Variants in DNAH17 observed in about 807,000 individuals in gnomAD.
DNAH17 encodes dynein axonemal heavy chain 17.
In DNAH17, 376 loss-of-function variants were observed where a neutral mutation model predicts 485.6. The ratio of observed to expected loss-of-function variants is 0.77; its 90% CI spans 0.71 to 0.84. The LOEUF (loss-of-function observed/expected upper bound fraction) is 0.84. Among genes scored for constraint, DNAH17 ranks in the 40% least tolerant of loss-of-function variants. The pLI is 0.00. For missense variants in DNAH17, 6,370 were observed against 5,839.3 expected, an observed-to-expected ratio of 1.09 and a Z score of -2.96; for synonymous variants, 3,031 against 2,405.9, an observed-to-expected ratio of 1.26 and a Z score of -7.60.
intron 14 of DNAH17, among the ~76,000 whole-genome samples, chr17:78,554,654 C>A (rs1409668323): frequency 2.6e-5 from 4 of 152,100 alleles, no homozygotes; most frequent in Admixed American, 6.6e-5. Context: ...TTCATGACTT[C>A]TCTAGGACCC....
At position 78,501,277 on chromosome 17, in the gene DNAH17, T is replaced by C. The variant is rs759184915; in HGVS notation, c.5390A>G (p.His1797Arg). The part of the protein sequence containing the change: ...LRHRWDEEKR[H>R]CFANICDAQI... ...GGCATCGCAGATGTTGGCAAAGCAG[T>C]GTCGCTTCTCTTCGTCCCAGCGATG... is the stretch of plus-strand genomic sequence containing the variant. Residue 1797 changes from histidine to arginine, a missense_variant, in exon 35 of 81, where the codon CAC becomes CGC. By Grantham distance (29) the His-to-Arg change is conservative. Transcript: ENST00000389840. 4.4e-6 allele frequency: 7 copies of C among 1,608,774 alleles called. No homozygotes were observed. In the African/African-American group the frequency reaches 8.0e-5, roughly 18 times the overall value.
Position 78,491,558 on chromosome 17 carries a change from G to C in DNAH17, c.6554C>G (p.Thr2185Ser). 1 of 1,613,960 alleles carries C rather than the reference G, an allele frequency of 6.2e-7. No homozygotes were observed. Among genetic ancestry groups the C allele is most frequent in the Non-Finnish European group, 8.5e-7 (1 of 1,179,920 alleles). ...GATGTTGGCCAGGTCTCGCATGATG[G>C]TGGAGAACAGGCCTGGGGGAGGCGC... ...TREWKDGLFSTIMRDLANITH... is the reference protein window; with the variant it reads ...TREWKDGLFSSIMRDLANITH... The change falls in exon 43 of 81, where the codon ACC (threonine) becomes AGC (serine). Residue 2185 changes from threonine (T) to serine (S), a missense_variant. Thr to Ser is a moderately conservative substitution (Grantham distance 58, BLOSUM62 1). Transcript: ENST00000389840.
At chr17:78,513,128 A>G (rs981124911) in intron 26 of DNAH17, among the ~76,000 whole-genome samples, 2 of 152,046 alleles carry the variant, frequency 1.3e-5, no homozygotes, top group Admixed American at 1.3e-4. Flanking sequence ...GGCATTCCAA[A>G]GTAAACCGGA....
rs1598685903 is a variant in DNAH17, at chr17:78,542,334, G to T, written c.2532+1523C>A. Among the ~76,000 whole-genome samples, 4 of 152,084 alleles carry T rather than the reference G, an allele frequency of 2.6e-5. 1 individual carries two copies. The highest frequency in any genetic ancestry group is 2.6e-4 in the Admixed American group (4 of 15,264). ...GGCTAATTTTTGTATTTTTAGTAGA[G>T]ACAGGGTTTCACCATGTTGGCCAGG... On this transcript the variant is annotated intron_variant, in intron 17 of 80. Coordinates refer to ENST00000389840, the MANE Select transcript of DNAH17 (RefSeq NM_173628.4).
chr17:78,532,339 G>A (rs1367930419), intron 20 of DNAH17, 143 bp downstream of exon 20: 12 of 1,175,510 alleles, frequency 1.0e-5, no homozygotes, highest in African/African-American at 6.2e-5. Flanking sequence ...CCTTTCTAAT[G>A]GTGGTCACCT....
At position 78,506,140 on chromosome 17, in the gene DNAH17, ATTT is replaced by A. The variant is rs66859821; in HGVS notation, c.4803+577_4803+579del. 3.9e-5 allele frequency among the ~76,000 whole-genome samples: 5 copies of A among 128,280 alleles called. 1 individual carries two copies. Among genetic ancestry groups the A allele is most frequent in the Non-Finnish European group, 3.2e-5 (2 of 62,584 alleles). The allele number at this position is 128,280 out of a possible 152,430, so 84.2% of individuals were successfully genotyped here. A position where few individuals can be genotyped will look rare whatever the true frequency, so the allele number is the denominator to read the frequency against. On this transcript the variant is annotated intron_variant, in intron 30 of 80. Transcript: ENST00000389840. ...CAAGCGCTTTCCCTTCACCTAGTTA[ATTT>A]TTTTTTTTTTTTTTTGAGACAGAGT...
At chr17:78,514,653 C>CCA (rs1215073448) in intron 26 of DNAH17, 121 bp downstream of exon 26, 1 of 1,351,370 alleles carries the variant, frequency 7.4e-7, no homozygotes, top group Non-Finnish European at 9.9e-7. Context: ...CCAGCCCTGC[C>CCA]CACATTGGCT....
At position 78,569,594 on chromosome 17, in the gene DNAH17, C is replaced by T. The variant is rs892117698; in HGVS notation, c.1045-67G>A. 5.7e-5 allele frequency: 87 copies of T among 1,525,238 alleles called. 1 individual carries two copies. The East Asian group carries it at 1.2e-3, about 21-fold the overall frequency. 94.5% of individuals were successfully genotyped at this position (1,525,238 alleles called of 1,614,324 possible). A position where few individuals can be genotyped will look rare whatever the true frequency, so the allele number is the denominator to read the frequency against. ...CATTTGGGGTGACGTCCAGGCACGC[C>T]GCCTGCAGGACCTGTGATCTGTTCT... On this transcript the variant is annotated intron_variant, in intron 7 of 80. Coordinates refer to ENST00000389840, the MANE Select transcript of DNAH17 (RefSeq NM_173628.4).
At chr17:78,425,226 T>G in intron 80 of DNAH17, 120 bp downstream of exon 80, 3 of 996,810 alleles carry the variant, frequency 3.0e-6, no homozygotes, top group Non-Finnish European at 4.5e-6. Context: ...AGAGCACCTC[T>G]CTCCTGCCTG....
rs1023312895 is a variant in DNAH17 at position 78,485,482 on chromosome 17, G to A, written c.7483+68C>T. On this transcript the variant is annotated intron_variant, in intron 47 of 80. Coordinates refer to ENST00000389840, the MANE Select transcript of DNAH17 (RefSeq NM_173628.4). Reference sequence around the variant, plus strand: ...TGAGTGCCTGGGCCTGCAGTGAGAGGGGACAGGAGGGAACGGGGACTGGCG... The same window carrying A: ...TGAGTGCCTGGGCCTGCAGTGAGAGAGGACAGGAGGGAACGGGGACTGGCG... The A allele has an allele frequency of 2.8e-6, 4 of 1,452,006 alleles. No homozygotes were observed. In the African/African-American group the frequency reaches 5.6e-5, roughly 20 times the overall value. 89.9% of individuals were successfully genotyped at this position (1,452,006 alleles called of 1,614,324 possible).
chr17:78,426,150 A>G (rs750253526), intron 79 of DNAH17, among the ~76,000 whole-genome samples: 3 of 152,222 alleles, frequency 2.0e-5, no homozygotes, highest in East Asian at 1.9e-4. Flanking sequence ...TAGGAGCCCA[A>G]AGAGGCTCTT....
At position 78,558,268 on chromosome 17, in the gene DNAH17, G is replaced by A. The variant is rs778231496; in HGVS notation, c.2032-14C>T. 9.9e-6 allele frequency: 16 copies of A among 1,611,996 alleles called. No homozygotes were observed. Among genetic ancestry groups the A allele is most frequent in the African/African-American group, 2.7e-5 (2 of 74,906 alleles). On this transcript the variant is annotated splice_polypyrimidine_tract_variant and intron_variant, in intron 13 of 80. Coordinates refer to ENST00000389840, the MANE Select transcript of DNAH17 (RefSeq NM_173628.4). ...AACTGCCACCAACTAAATGACAAAC[G>A]AAGATCAAAGAACATGTCAGCAGGT...
chr17:78,540,182 T>C (rs764091477), intron 17 of DNAH17, among the ~76,000 whole-genome samples: 1 of 148,232 alleles, frequency 6.7e-6, no homozygotes. Context: ...ATGCCTACCA[T>C]GGCTCAGAGG....
intron 12 of DNAH17, among the ~76,000 whole-genome samples, chr17:78,561,246 C>T (rs1040757481): frequency 6.6e-6 from 1 of 152,024 alleles, no homozygotes; most frequent in African/African-American, 2.4e-5. Context: ...CAACCTGGGG[C>T]CAACTAGATG....
At position 78,560,917 on chromosome 17, in the gene DNAH17, C is replaced by T. The variant is rs188689442; in HGVS notation, c.1854G>A (p.Glu618=). The T allele has an allele frequency of 3.9e-4, 607 of 1,550,170 alleles. 5 individuals carry two copies. In the Admixed American group the frequency reaches 0.012, roughly 30 times the overall value. Residue 618 remains glutamate, a synonymous_variant, in exon 13 of 81, where the codon GAG becomes GAA. Transcript: ENST00000389840. The stretch of plus-strand genomic sequence containing the variant: ...CATACTTCTGATAGGTCAGCTTGGC[C>T]TCTGCTCCAGACATGACCCTGGAAT... ...HVEHPVMSGA[E]AKLTYQKYDE...
Position 78,494,063 on chromosome 17 carries a change from G to T in DNAH17, c.6381C>A (p.Val2127=). The change falls in exon 41 of 81, where the codon GTC becomes GTA. Residue 2127 remains valine, a synonymous_variant. Coordinates refer to ENST00000389840, the MANE Select transcript of DNAH17 (RefSeq NM_173628.4). The stretch of plus-strand genomic sequence containing the variant: ...GAGATTTGCCGCTGCCCGCATTCCC[G>T]ACGATGAACACGGAGTGGCGGACCT... ...LLQVRHSVFI[V]GNAGSGKSQV... is the part of the protein sequence containing the mutation. 1 of 1,612,900 alleles carries T rather than the reference G, an allele frequency of 6.2e-7. No homozygotes were observed.
In DNAH17 at chr17:78,480,792, G is replaced by C. The variant is rs1216678312; in HGVS notation, c.7650-6C>G. 6 of 1,607,578 alleles carry C rather than the reference G, an allele frequency of 3.7e-6. No homozygotes were observed. The highest frequency in any genetic ancestry group is 2.7e-5 in the African/African-American group (2 of 74,878). ...TCAGCTTATGTCTGTCATACCTGAG[G>C]GGGGAAACCAGCATTCATGTTGTGC... On this transcript the variant is annotated splice_polypyrimidine_tract_variant and splice_region_variant and intron_variant, in intron 48 of 80. Coordinates refer to ENST00000389840, the MANE Select transcript of DNAH17 (RefSeq NM_173628.4).
chr17:78,459,506 T>C (rs746467073), intron 60 of DNAH17, among the ~76,000 whole-genome samples: 26 of 152,188 alleles, frequency 1.7e-4, no homozygotes, highest in Non-Finnish European at 2.6e-4. Flanking sequence ...GGGACGGTAT[T>C]CGTGTGTGCA....
At chr17:78,459,617 G>A (rs759231483) in intron 60 of DNAH17, among the ~76,000 whole-genome samples, 167 bp downstream of exon 60, 12 of 152,234 alleles carry the variant, frequency 7.9e-5, no homozygotes, top group Non-Finnish European at 1.5e-4. Flanking sequence ...GGTTCCCGCT[G>A]CTGAGCTTGT....
Sources: allele counts gnomAD v4.1 joint callset (sites outside exome capture counted in the v4.1 genomes callset), GRCh38; gene constraint gnomAD v4.1.1; transcripts MANE v1.5; gene names NCBI Gene and HGNC (gene_info 2026-07-23, HGNC 2026-07-21).